HGSNAT: variants seen among roughly 807,000 people sequenced by gnomAD.
HGSNAT encodes the protein heparan-alpha-glucosaminide N-acetyltransferase, also known as transmembrane protein 76.
HGSNAT carries 59 observed loss-of-function variants against 85.2 expected under a neutral mutation model. That is an observed-to-expected ratio of 0.69 (90% confidence interval 0.56 to 0.86). The LOEUF (loss-of-function observed/expected upper bound fraction) is 0.86. HGSNAT is among the 40% of genes least tolerant of loss of function. The pLI is 0.00. For missense variants in HGSNAT, 756 were observed against 777.1 expected (o/e 0.97, Z 0.32); for synonymous variants, 321 against 304.5 (o/e 1.05, Z -0.56).
chr8:43,140,679 C>A (rs1802489990), intron 1 of HGSNAT, 65 bp downstream of exon 1: 5 of 805,232 alleles, frequency 6.2e-6, no homozygotes, highest in Admixed American at 4.9e-5. Context: ...TCCGCGGCGC[C>A]GCCCCTATCT....
intron 9 of HGSNAT, 165 bp downstream of exon 9, chr8:43,173,908 C>A (rs897299419): frequency 4.4e-6 from 3 of 678,678 alleles, no homozygotes; most frequent in Non-Finnish European, 7.4e-6. Context: ...CCAGTGCCTA[C>A]ACGTGTGTAT....
At chr8:43,156,792 A>G (rs1448940267) in intron 2 of HGSNAT, among the ~76,000 whole-genome samples, 1 of 151,912 alleles carries the variant, frequency 6.6e-6, no homozygotes, top group East Asian at 1.9e-4. Flanking sequence ...CTCTTTTTAC[A>G]GTTTTTGGCT....
intron 13 of HGSNAT, 134 bp downstream of exon 13, chr8:43,192,564 C>A: frequency 9.8e-7 from 1 of 1,016,446 alleles, no homozygotes; most frequent in South Asian, 1.8e-5. Context: ...TTTGAAAAGT[C>A]AGCTAACTTA....
intron 5 of HGSNAT, among the ~76,000 whole-genome samples, chr8:43,163,240 C>T (rs1199982172): frequency 6.6e-6 from 1 of 152,090 alleles, no homozygotes; most frequent in Non-Finnish European, 1.5e-5. Flanking sequence ...GGAAGAGATT[C>T]CACCTTGCCC....
rs772393660 is a variant in HGSNAT at position 43,170,571 on chromosome 8, C to CT, written c.634-7dup. ...GCATTATGAGTTGTCATCTTTCTCC[C>CT]TTTTTTTCTGAAGGAGCTGGGATCT... On this transcript the variant is annotated splice_polypyrimidine_tract_variant and intron_variant, in intron 6 of 17. Coordinates refer to ENST00000379644, the MANE Select transcript of HGSNAT (RefSeq NM_152419.3). The CT allele has an allele frequency of 3.8e-6, 6 of 1,579,720 alleles. No individual in the cohort carries two copies. Among genetic ancestry groups the CT allele is most frequent in the South Asian group, 3.4e-5 (3 of 87,272 alleles).
intron 9 of HGSNAT, 27 bp from the exon 10 acceptor site, chr8:43,178,047 A>G (rs1461107772): frequency 6.2e-7 from 1 of 1,604,344 alleles, no homozygotes; most frequent in African/African-American, 1.3e-5. Flanking sequence ...GGAAATGGCC[A>G]CCTATTAATA....
intron 2 of HGSNAT, among the ~76,000 whole-genome samples, chr8:43,149,070 C>T (rs553374071): frequency 7.3e-5 from 11 of 151,718 alleles, no homozygotes; most frequent in East Asian, 5.8e-4. Flanking sequence ...GAGCTGAGAT[C>T]GAGCCACTGC....
chr8:43,168,654 C>T (rs886778884), intron 5 of HGSNAT, among the ~76,000 whole-genome samples: 8 of 152,002 alleles, frequency 5.3e-5, no homozygotes, highest in Non-Finnish European at 1.2e-4. Flanking sequence ...ACCTCGGCCC[C>T]CCAAAGTGCT....
At chr8:43,196,382 TC>T (rs1285381214) in intron 14 of HGSNAT, 2 of 985,476 alleles carry the variant, frequency 2.0e-6, no homozygotes, top group East Asian at 1.2e-4. Flanking sequence ...TTTCCCTGCC[TC>T]CCCCACCCTG....
intron 11 of HGSNAT, among the ~76,000 whole-genome samples, chr8:43,188,107 G>C (rs1804385906): frequency 6.6e-6 from 1 of 152,042 alleles, no homozygotes; most frequent in South Asian, 2.1e-4. Context: ...TGGTGAATCT[G>C]ACAATTATGT....
chr8:43,180,532 TGGGATGGCGGCG>T (rs1804043203), intron 10 of HGSNAT: 1 of 86,080 alleles, frequency 1.2e-5, no homozygotes, highest in Non-Finnish European at 2.5e-5. Context: ...ACTTCCTAGA[TGGGATGGCGGCG>T]GGGAAGAGGC....
At chr8:43,177,890 C>A (rs955749216) in intron 9 of HGSNAT, among the ~76,000 whole-genome samples, 184 bp from the exon 10 acceptor site, 1 of 152,152 alleles carries the variant, frequency 6.6e-6, no homozygotes, top group Non-Finnish European at 1.5e-5. Flanking sequence ...CTGTCAAAAA[C>A]CTTCCAGCCC....
chr8:43,191,134 C>T (rs1383334045), intron 11 of HGSNAT, among the ~76,000 whole-genome samples: 1 of 152,242 alleles, frequency 6.6e-6, no homozygotes, highest in Admixed American at 6.5e-5. Flanking sequence ...ACATTTTGCT[C>T]ACCCATTTAT....
intron 5 of HGSNAT, among the ~76,000 whole-genome samples, chr8:43,168,368 G>A (rs1219349127): frequency 1.9e-5 from 2 of 104,166 alleles, no homozygotes; most frequent in Admixed American, 9.2e-5. Context: ...TTTGCTTTTT[G>A]TATTTAATAG....
At chr8:43,183,137 C>G (rs1804188685) in intron 11 of HGSNAT, among the ~76,000 whole-genome samples, 1 of 152,158 alleles carries the variant, frequency 6.6e-6, no homozygotes, top group African/African-American at 2.4e-5. Context: ...GGAACATGCA[C>G]AATCCTCTCT....
At chr8:43,141,454 A>G (rs1248926368) in intron 1 of HGSNAT, among the ~76,000 whole-genome samples, 1 of 152,040 alleles carries the variant, frequency 6.6e-6, no homozygotes, top group African/African-American at 2.4e-5. Context: ...AAACGGTGAC[A>G]AATACAGATT....
chr8:43,168,384 CTTTTTTTT>C (rs34270087), intron 5 of HGSNAT, among the ~76,000 whole-genome samples: 1 of 70,250 alleles, frequency 1.4e-5, no homozygotes, highest in East Asian at 5.6e-4. Context: ...AATAGTTGAT[CTTTTTTTT>C]TTTTTTTTTT....
intron 9 of HGSNAT, 115 bp from the exon 10 acceptor site, chr8:43,177,959 G>T: frequency 2.4e-6 from 2 of 846,238 alleles, no homozygotes; most frequent in East Asian, 2.4e-5. Context: ...TTCAGTAATT[G>T]GCTACTTTAA....
chr8:43,151,952 C>G (rs891019183), intron 2 of HGSNAT, among the ~76,000 whole-genome samples: 1 of 152,160 alleles, frequency 6.6e-6, no homozygotes, highest in Non-Finnish European at 1.5e-5. Context: ...CTACAATTCA[C>G]CCCTCCCTGT....
Sources: allele counts gnomAD v4.1 joint callset (sites outside exome capture counted in the v4.1 genomes callset), GRCh38; gene constraint gnomAD v4.1.1; transcripts MANE v1.5; gene names NCBI Gene and HGNC (gene_info 2026-07-23, HGNC 2026-07-21).